FRMPD3: variants seen among roughly 807,000 people sequenced by gnomAD.
The protein encoded by FRMPD3 is FERM and PDZ domain-containing protein 3.
FRMPD3 carries 42 observed loss-of-function variants against 97.9 expected under a neutral mutation model. The ratio of observed to expected loss-of-function variants is 0.43; its 90% CI spans 0.34 to 0.55. The LOEUF (loss-of-function observed/expected upper bound fraction) is 0.55. Among genes scored for constraint, FRMPD3 ranks in the 20% least tolerant of loss-of-function variants. The pLI is 0.03. For synonymous variants in FRMPD3, 577 were observed against 581.1 expected, an observed-to-expected ratio of 0.99 and a Z score of 0.10; for missense variants, 1,303 against 1,457.7, an observed-to-expected ratio of 0.89 and a Z score of 1.73.
chrX:107,509,207 T>C (rs143643857), intron 1 of FRMPD3, among the ~76,000 whole-genome samples: 1,950 of 112,664 alleles, frequency 0.017, 23 homozygotes, highest in Admixed American at 0.056. Flanking sequence ...CTGTTGGCCC[T>C]GGCCCATTCA....
chrX:107,557,798 TATATA>T (rs1428665463), intron 8 of FRMPD3, among the ~76,000 whole-genome samples: 1 of 5,925 alleles, frequency 1.7e-4, no homozygotes, highest in Non-Finnish European at 2.6e-4. Context: ...ATCTGTTGTC[TATATA>T]TATATATATA....
intron 11 of FRMPD3, 71 bp from the exon 12 acceptor site, chrX:107,564,816 C>T: frequency 9.3e-7 from 1 of 1,076,306 alleles, no homozygotes; most frequent in Non-Finnish European, 1.3e-6. Flanking sequence ...TCTATTTCCT[C>T]CTCCTGCCTC....
At chrX:107,529,199 A>T (rs755069764) in intron 2 of FRMPD3, among the ~76,000 whole-genome samples, 1 of 112,234 alleles carries the variant, frequency 8.9e-6, no homozygotes, top group South Asian at 3.7e-4. Context: ...CAGAAGCAGC[A>T]TAGCCTTGTG....
intron 13 of FRMPD3, among the ~76,000 whole-genome samples, chrX:107,588,460 G>C: frequency 9.0e-6 from 1 of 110,698 alleles, no homozygotes. Flanking sequence ...CTCCATGTTG[G>C]TCCAGCTGGT....
rs757628667 is a variant in FRMPD3 at position 107,530,591 on chromosome X, C to G, written c.251+80C>G. 3.1e-5 allele frequency: 22 copies of G among 701,099 alleles called. No individual in the cohort carries two copies. The Admixed American group carries it at 3.8e-4, about 12-fold the overall frequency. 57.8% of individuals were successfully genotyped at this position (701,099 alleles called of 1,213,427 possible). A position where few individuals can be genotyped will look rare whatever the true frequency, so the allele number is the denominator to read the frequency against. ...GTGACATGGGGCCACCACTATCCCC[C>G]CCTCGCTCTGAGAGCAGAATCCTTC... is the stretch of plus-strand genomic sequence containing the variant. On this transcript the variant is annotated intron_variant, in intron 3 of 14. Transcript: ENST00000683843.
At chrX:107,569,794 T>G (rs754605107) in intron 12 of FRMPD3, among the ~76,000 whole-genome samples, 2 of 111,898 alleles carry the variant, frequency 1.8e-5, no homozygotes, top group African/African-American at 6.5e-5. Flanking sequence ...GATGGGTGGA[T>G]TGTTTGAGGC....
intron 14 of FRMPD3, among the ~76,000 whole-genome samples, chrX:107,599,266 C>CT (rs1420517869): frequency 9.5e-6 from 1 of 104,845 alleles, no homozygotes; most frequent in African/African-American, 3.5e-5. Flanking sequence ...GAGTGAGACT[C>CT]TAAAAAAAAA....
intron 12 of FRMPD3, among the ~76,000 whole-genome samples, chrX:107,572,610 C>T (rs746017748): frequency 3.6e-5 from 4 of 110,656 alleles, no homozygotes; most frequent in Non-Finnish European, 7.5e-5. Context: ...TGGTGGCACA[C>T]ACCTGTAATC....
chrX:107,518,605 G>C (rs374321203), intron 1 of FRMPD3, among the ~76,000 whole-genome samples: 2 of 112,495 alleles, frequency 1.8e-5, no homozygotes, highest in African/African-American at 6.5e-5. Flanking sequence ...TTGGCAAACT[G>C]TGGAGAAATT....
intron 6 of FRMPD3, among the ~76,000 whole-genome samples, chrX:107,551,875 C>T (rs999622439): frequency 8.9e-6 from 1 of 112,651 alleles, no homozygotes; most frequent in African/African-American, 3.2e-5. Context: ...CACCAATTTC[C>T]AGCTTAACAT....
rs776229062 is a variant in FRMPD3 at position 107,560,776 on chromosome X, A to G, written c.949A>G (p.Ile317Val). 3 of 1,176,762 alleles carry G rather than the reference A, an allele frequency of 2.5e-6. No individual in the cohort carries two copies. Among genetic ancestry groups the G allele is most frequent in the South Asian group, 3.8e-5 (2 of 53,104 alleles). The change falls in exon 10 of 15, where the codon ATC (isoleucine) becomes GTC (valine). Residue 317 changes from isoleucine (I) to valine (V), a missense_variant. By Grantham distance (29) the Ile-to-Val change is conservative. Coordinates refer to ENST00000683843, the MANE Select transcript of FRMPD3 (RefSeq NM_001388459.1). Reference protein sequence around the residue: ...PFLPPSLLQVIKEKNLRKSLS... With the variant: ...PFLPPSLLQVVKEKNLRKSLS... ...TCTTCCCCCCTCCCTCCTGCAGGTC[A>G]TCAAAGAGAAGAACCTCCGGAAATC...
intron 13 of FRMPD3, among the ~76,000 whole-genome samples, chrX:107,586,149 C>T (rs182223039): frequency 8.9e-6 from 1 of 111,958 alleles, no homozygotes; most frequent in East Asian, 2.8e-4. Flanking sequence ...AGGTATTCAA[C>T]TTCTTCCTGG....
intron 13 of FRMPD3, among the ~76,000 whole-genome samples, chrX:107,595,724 G>A (rs898236913): frequency 9.1e-6 from 1 of 110,369 alleles, no homozygotes; most frequent in African/African-American, 3.3e-5. Context: ...ATCACTTGAG[G>A]TCAGGAGTTT....
At chrX:107,576,062 C>G (rs1350073657) in intron 12 of FRMPD3, among the ~76,000 whole-genome samples, 1 of 112,180 alleles carries the variant, frequency 8.9e-6, no homozygotes, top group Non-Finnish European at 1.9e-5. Flanking sequence ...AATTTTAGTC[C>G]TTTTCAGCAA....
rs758849688 is a variant in FRMPD3, at chrX:107,458,260, C to T, written c.-8+8255C>T. Among the ~76,000 whole-genome samples, 4 of 112,192 alleles carry T rather than the reference C, an allele frequency of 3.6e-5. No individual in the cohort carries two copies. The South Asian group carries it at 1.5e-3, about 42-fold the overall frequency. ...TGGTGAGAAGGGGAAAGCAAAGGCCCTGCTCTCTGGAAATCCGTAATTTAA... is the reference window on the plus strand; with the variant it reads ...TGGTGAGAAGGGGAAAGCAAAGGCCTTGCTCTCTGGAAATCCGTAATTTAA... On this transcript the variant is annotated intron_variant, in intron 1 of 14. Coordinates refer to ENST00000683843, the MANE Select transcript of FRMPD3 (RefSeq NM_001388459.1).
chrX:107,490,404 T>C (rs1329551641), intron 1 of FRMPD3, among the ~76,000 whole-genome samples: 1 of 112,276 alleles, frequency 8.9e-6, no homozygotes, highest in Non-Finnish European at 1.9e-5. Flanking sequence ...TGGGGATGCA[T>C]TGAATCTATA....
intron 12 of FRMPD3, 120 bp from the exon 13 acceptor site, chrX:107,576,195 G>A (rs1222293724): frequency 4.9e-5 from 38 of 770,920 alleles, no homozygotes; most frequent in Non-Finnish European, 5.0e-5. Flanking sequence ...TCAATTTTTG[G>A]TTCAGACAGT....
Position 107,598,101 on chromosome X carries a change from C to T in FRMPD3, c.2222C>T (p.Ala741Val), listed in dbSNP as rs1315152681. The change falls in exon 14 of 15, where the codon GCA becomes GTA. Residue 741 changes from alanine to valine, a missense_variant. Ala to Val is a moderately conservative substitution (Grantham distance 64, BLOSUM62 0). Coordinates refer to ENST00000683843, the MANE Select transcript of FRMPD3 (RefSeq NM_001388459.1). ...STLQALEALA[A>V]SEDGPHPPPP... Reference sequence around the variant, plus strand: ...CTGCAGGCTCTAGAAGCCCTGGCTGCATCCGAGGATGGACCACACCCACCA... The same window carrying T: ...CTGCAGGCTCTAGAAGCCCTGGCTGTATCCGAGGATGGACCACACCCACCA... The T allele has an allele frequency of 8.3e-7, 1 of 1,208,304 alleles. No homozygotes were observed. Among genetic ancestry groups the T allele is most frequent in the African/African-American group, 1.7e-5 (1 of 57,198 alleles).
At chrX:107,594,343 C>T (rs371758991) in intron 13 of FRMPD3, among the ~76,000 whole-genome samples, 47 of 111,569 alleles carry the variant, frequency 4.2e-4, no homozygotes, top group African/African-American at 1.5e-3. Flanking sequence ...AGTTTGGATG[C>T]CCTTTATTTA....
Sources: gnomAD v4.1 joint callset for allele counts (sites outside exome capture counted in the v4.1 genomes callset) on GRCh38, gnomAD v4.1.1 for gene constraint, MANE v1.5 for transcripts, NCBI Gene and HGNC (gene_info 2026-07-23, HGNC 2026-07-21) for gene names.